STAP1: variants seen among roughly 807,000 people sequenced by gnomAD.
STAP1 encodes signal transducing adaptor family member 1.
Under a neutral mutation model 37.8 loss-of-function variants are expected in STAP1, and 30 were observed. That is an observed-to-expected ratio of 0.79 (90% CI 0.59 to 1.08). STAP1 has a LOEUF of 1.08. STAP1 is among the 50% of genes least tolerant of loss of function. STAP1 has a pLI of 0.00. For synonymous variants in STAP1, 130 were observed against 116.0 expected (o/e 1.12, Z -0.78); for missense variants, 357 against 349.4 (o/e 1.02, Z -0.17).
chr4:67,594,226 G>A (rs1056257884), intron 8 of STAP1, among the ~76,000 whole-genome samples: 17 of 152,102 alleles, frequency 1.1e-4, no homozygotes, highest in African/African-American at 3.9e-4. Context: ...ACCTTATTTG[G>A]CTATCTGCAT....
At chr4:67,584,217 G>T (rs1040549555) in intron 6 of STAP1, among the ~76,000 whole-genome samples, 2 of 151,938 alleles carry the variant, frequency 1.3e-5, no homozygotes, top group East Asian at 1.9e-4. Flanking sequence ...ACATTATTTT[G>T]GTCCTGGATA....
intron 5 of STAP1, 114 bp downstream of exon 5, chr4:67,581,585 G>A (rs1193480806): frequency 2.5e-6 from 3 of 1,178,944 alleles, no homozygotes; most frequent in Non-Finnish European, 3.6e-6. Context: ...GCAGTCTTGG[G>A]GATAAACTGT....
At chr4:67,562,211 G>C (rs1219311086) in intron 1 of STAP1, among the ~76,000 whole-genome samples, 1 of 150,548 alleles carries the variant, frequency 6.6e-6, no homozygotes, top group Admixed American at 6.6e-5. Context: ...AGTGTGTGTG[G>C]GCCGGGCCCG....
intron 1 of STAP1, among the ~76,000 whole-genome samples, chr4:67,561,844 T>A (rs1727345421): frequency 6.6e-6 from 1 of 151,114 alleles, no homozygotes. Context: ...GAGGCCCAGG[T>A]GGGCGGATCA....
At chr4:67,567,813 T>C (rs1485084891) in intron 1 of STAP1, among the ~76,000 whole-genome samples, 3 of 152,178 alleles carry the variant, frequency 2.0e-5, no homozygotes, top group African/African-American at 7.2e-5. Flanking sequence ...ATTCCTGCCT[T>C]CCCAGCTAAG....
intron 5 of STAP1, among the ~76,000 whole-genome samples, chr4:67,583,152 T>C (rs141219627): frequency 2.6e-5 from 4 of 152,324 alleles, no homozygotes; most frequent in Non-Finnish European, 5.9e-5. Context: ...CATATTTAAA[T>C]ATCAGTTGTT....
chr4:67,574,863 G>A (rs1003932824), intron 2 of STAP1, among the ~76,000 whole-genome samples: 1 of 152,104 alleles, frequency 6.6e-6, no homozygotes, highest in Non-Finnish European at 1.5e-5. Flanking sequence ...TGATTTGTAA[G>A]GTTTACCAAT....
intron 8 of STAP1, among the ~76,000 whole-genome samples, chr4:67,596,060 T>C (rs959936231): frequency 1.3e-5 from 2 of 152,188 alleles, no homozygotes; most frequent in Admixed American, 6.5e-5. Context: ...GGTAGTGATA[T>C]GGTTTGGCTG....
intron 1 of STAP1, among the ~76,000 whole-genome samples, chr4:67,560,928 C>T (rs1165266069): frequency 5.9e-5 from 9 of 152,172 alleles, no homozygotes; most frequent in African/African-American, 1.9e-4. Flanking sequence ...GAATTACAGG[C>T]ATGGGCCTCT....
intron 6 of STAP1, among the ~76,000 whole-genome samples, chr4:67,589,108 CT>C (rs1728066613): frequency 6.6e-6 from 1 of 152,100 alleles, no homozygotes; most frequent in Admixed American, 6.5e-5. Flanking sequence ...ACAGCAATCC[CT>C]TATTTAATAG....
At chr4:67,563,092 T>C (rs1218483887) in intron 1 of STAP1, among the ~76,000 whole-genome samples, 8 of 152,150 alleles carry the variant, frequency 5.3e-5, no homozygotes, top group Admixed American at 5.2e-4. Context: ...TTGTAATTCA[T>C]TTTTGCTAGT....
rs529334459 is a variant in STAP1 at position 67,607,274 on chromosome 4, A to C, written c.*917A>C. The C allele has an allele frequency of 2.6e-5, 4 of 152,300 alleles. No individual in the cohort carries two copies. The South Asian group carries it at 8.3e-4, about 32-fold the overall frequency. 9.4% of individuals were successfully genotyped at this position (152,300 alleles called of 1,614,324 possible). On this transcript the variant is annotated 3_prime_UTR_variant, in exon 9 of 9. Transcript: ENST00000265404. ...AGGCCTCGGGGGGAAAAAAAGATCAACCTGGCCAAAACCTTGAAAATCCGG... is the reference window on the plus strand; with the variant it reads ...AGGCCTCGGGGGGAAAAAAAGATCACCCTGGCCAAAACCTTGAAAATCCGG...
At position 67,604,579 on chromosome 4, in the gene STAP1, A is replaced by G. The variant is rs530988141; in HGVS notation, c.827-1717A>G. On this transcript the variant is annotated intron_variant, in intron 8 of 8. Coordinates refer to ENST00000265404, the MANE Select transcript of STAP1 (RefSeq NM_012108.4). ...ATAGCTGCTTTAAGGTCTTCATCTG[A>G]TAATTTCAACATCTTGGTTATCTTA... is the stretch of plus-strand genomic sequence containing the variant. 3.9e-5 allele frequency among the ~76,000 whole-genome samples: 6 copies of G among 152,306 alleles called. No homozygotes were observed. In the South Asian group the frequency reaches 1.0e-3, roughly 26 times the overall value.
chr4:67,600,015 A>C (rs2627246), intron 8 of STAP1, among the ~76,000 whole-genome samples: 1 of 152,066 alleles, frequency 6.6e-6, no homozygotes, highest in African/African-American at 2.4e-5. Flanking sequence ...TATTTCTGCT[A>C]TGACCTTTAT....
intron 6 of STAP1, among the ~76,000 whole-genome samples, chr4:67,584,902 G>A (rs529088963): frequency 6.6e-6 from 1 of 152,252 alleles, no homozygotes; most frequent in South Asian, 2.1e-4. Flanking sequence ...TATAAAAAAG[G>A]GCCACTTAGG....
At chr4:67,598,413 C>T (rs184254485) in intron 8 of STAP1, among the ~76,000 whole-genome samples, 21 of 152,170 alleles carry the variant, frequency 1.4e-4, no homozygotes, top group African/African-American at 5.1e-4. Context: ...TATGAAGGTT[C>T]CCTTTTCTCT....
At chr4:67,560,745 C>T (rs747013279) in intron 1 of STAP1, among the ~76,000 whole-genome samples, 9 of 151,866 alleles carry the variant, frequency 5.9e-5, no homozygotes, top group Non-Finnish European at 8.8e-5. Flanking sequence ...TTGACATCCC[C>T]GGCTCCGGTG....
chr4:67,560,067 G>A (rs1727298776), intron 1 of STAP1, among the ~76,000 whole-genome samples: 1 of 152,056 alleles, frequency 6.6e-6, no homozygotes, highest in Non-Finnish European at 1.5e-5. Context: ...CCAGGAAAGG[G>A]AAGTTGAGAA....
rs1560459225 is a variant in STAP1, at chr4:67,575,509, A to G, written c.306+11A>G. On this transcript the variant is annotated intron_variant, in intron 3 of 8. Transcript: ENST00000265404. ...GAAGTACAACTGAAGGTGAGCGAGG[A>G]GAAACAGTAGTCTGTAAAGGGTTGT... is the stretch of plus-strand genomic sequence containing the variant. The G allele has an allele frequency of 6.4e-7, 1 of 1,570,588 alleles. No individual in the cohort carries two copies. The highest frequency in any genetic ancestry group is 1.7e-5 in the Admixed American group (1 of 58,374).
Sources: allele counts gnomAD v4.1 joint callset (sites outside exome capture counted in the v4.1 genomes callset), GRCh38; gene constraint gnomAD v4.1.1; transcripts MANE v1.5; gene names NCBI Gene and HGNC (gene_info 2026-07-23, HGNC 2026-07-21).